Variants in STAM observed in about 807,000 individuals in gnomAD.
STAM encodes the protein signal transducing adapter molecule 1.
In STAM, 16 loss-of-function variants were observed where a neutral mutation model predicts 63.4. That is an observed-to-expected ratio of 0.25 (90% CI 0.17 to 0.38). The LOEUF (loss-of-function observed/expected upper bound fraction) is 0.38, where lower values mean the gene tolerates loss of function less well. STAM is among the 10% of genes least tolerant of loss of function. The probability of loss-of-function intolerance (pLI) is 1.00; values close to 1 mark genes in which losing one functional copy is unlikely to be tolerated. For synonymous variants in STAM, 238 were observed against 223.9 expected, an observed-to-expected ratio of 1.06 and a Z score of -0.56; for missense variants, 636 against 657.1, an observed-to-expected ratio of 0.97 and a Z score of 0.35.
At chr10:17,706,612 C>A (rs1320637465) in intron 12 of STAM, among the ~76,000 whole-genome samples, 2 of 152,002 alleles carry the variant, frequency 1.3e-5, no homozygotes, top group Admixed American at 6.5e-5. Context: ...ATCTCCTGAC[C>A]TCGTGATCCA....
Position 17,696,864 on chromosome 10 carries a change from A to G in STAM, c.818A>G (p.Glu273Gly). 1.2e-6 allele frequency: 2 copies of G among 1,609,696 alleles called. No homozygotes were observed. The highest frequency in any genetic ancestry group is 2.7e-5 in the African/African-American group (2 of 74,970). Residue 273 changes from glutamate to glycine, a missense_variant, in exon 8 of 14, where the codon GAA becomes GGA. Coordinates refer to ENST00000377524, the MANE Select transcript of STAM (RefSeq NM_003473.4). ...ACTGCAGATCTCACTGCTGAACCAG[A>G]AATGAGTAAGTATTTTCCAGCCTGC... ...FVTADLTAEP[E>G]MIKTEKKTVQ...
At chr10:17,692,114 C>G (rs1453847067) in intron 5 of STAM, among the ~76,000 whole-genome samples, 1 of 152,116 alleles carries the variant, frequency 6.6e-6, no homozygotes, top group Non-Finnish European at 1.5e-5. Context: ...TTATCGTAGT[C>G]ATTTTATTGA....
In STAM at chr10:17,708,768, C is replaced by G. The variant is rs1247664013; in HGVS notation, c.1210-8C>G. ...GAATTGAATATGATTTCTCTTTAAC[C>G]ATCGCAGGTGTATGCAGGGCCTCCT... On this transcript the variant is annotated splice_region_variant and splice_polypyrimidine_tract_variant and intron_variant, in intron 12 of 13. Transcript: ENST00000377524. 6.3e-7 allele frequency: 1 copy of G among 1,594,504 alleles called. No homozygotes were observed. The highest frequency in any genetic ancestry group is 8.6e-7 in the Non-Finnish European group (1 of 1,167,044).
chr10:17,687,500 C>CA (rs11338233), intron 4 of STAM, among the ~76,000 whole-genome samples: 15 of 150,272 alleles, frequency 1.0e-4, no homozygotes, highest in South Asian at 4.2e-4. Context: ...AAAAACAAAC[C>CA]AAAAAAAAAG....
chr10:17,714,958 T>C lies in STAM; in HGVS notation c.*178T>C, dbSNP rs940554070. ...ATTTACACTGACTTTTTAGAGGTTC[T>C]TCCCCCCCCGCCCCTGCAGAGGAAT... On this transcript the variant is annotated 3_prime_UTR_variant, in exon 14 of 14. Transcript: ENST00000377524. The C allele has an allele frequency of 8.3e-6, 5 of 603,270 alleles. No homozygotes were observed. Among genetic ancestry groups the C allele is most frequent in the African/African-American group, 7.6e-5 (4 of 52,724 alleles). 37.4% of individuals were successfully genotyped at this position (603,270 alleles called of 1,614,324 possible).
chr10:17,664,747 C>T (rs1214629337), intron 2 of STAM, among the ~76,000 whole-genome samples: 2 of 151,980 alleles, frequency 1.3e-5, no homozygotes, highest in African/African-American at 4.8e-5. Context: ...GAATGCAGTT[C>T]AGAAGTGATT....
intron 5 of STAM, among the ~76,000 whole-genome samples, chr10:17,692,815 C>T (rs1554826935): frequency 6.6e-6 from 1 of 152,110 alleles, no homozygotes; most frequent in Non-Finnish European, 1.5e-5. Flanking sequence ...ATAACTCTAA[C>T]TATTAATAGA....
rs543553950 is a variant in STAM at position 17,650,472 on chromosome 10, G to C, written c.40+6093G>C. 2.0e-4 allele frequency among the ~76,000 whole-genome samples: 30 copies of C among 152,286 alleles called. No individual in the cohort carries two copies. The East Asian group carries it at 5.4e-3, about 27-fold the overall frequency. ...CTCAATTATGCTTTTTGTCTGTTTT[G>C]ATAGTTGGTACCTAAGTTTACTTAG... On this transcript the variant is annotated intron_variant, in intron 1 of 13. Transcript: ENST00000377524.
intron 4 of STAM, among the ~76,000 whole-genome samples, chr10:17,686,221 T>A (rs1233849553): frequency 1.3e-5 from 2 of 152,224 alleles, no homozygotes; most frequent in African/African-American, 4.8e-5. Flanking sequence ...AATACCATGT[T>A]TTTTGTAATG....
At position 17,716,178 on chromosome 10, in the gene STAM, C is replaced by T. The variant is rs1836808092; in HGVS notation, c.*1398C>T. 6.6e-6 allele frequency among the ~76,000 whole-genome samples: 1 copy of T among 152,070 alleles called. No individual in the cohort carries two copies. Among genetic ancestry groups the T allele is most frequent in the South Asian group, 2.1e-4 (1 of 4,826 alleles). ...ACAACGGAAAAGTTGAGTCGAACAT[C>T]ATATTTAATGAATTGATGTAACAGG... On this transcript the variant is annotated 3_prime_UTR_variant, in exon 14 of 14. Transcript: ENST00000377524.
chr10:17,705,483 A>G (rs1836219102), intron 11 of STAM, 105 bp from the exon 12 acceptor site: 3 of 1,271,260 alleles, frequency 2.4e-6, no homozygotes, highest in South Asian at 1.5e-5. Context: ...AATAATGTCT[A>G]CTAGTACTAC....
chr10:17,709,110 TC>T (rs1836439502), intron 13 of STAM, among the ~76,000 whole-genome samples, 159 bp downstream of exon 13: 1 of 152,196 alleles, frequency 6.6e-6, no homozygotes, highest in African/African-American at 2.4e-5. Context: ...TCTGTGGTAT[TC>T]CAGTACCAGC....
At position 17,694,949 on chromosome 10, in the gene STAM, A is replaced by G. The variant is rs1438775902; in HGVS notation, c.536-100A>G. 19 of 1,116,694 alleles carry G rather than the reference A, an allele frequency of 1.7e-5. No individual in the cohort carries two copies. In the Admixed American group the frequency reaches 2.5e-4, roughly 15 times the overall value. 69.2% of individuals were successfully genotyped at this position (1,116,694 alleles called of 1,614,324 possible). A position where few individuals can be genotyped will look rare whatever the true frequency, so the allele number is the denominator to read the frequency against. On this transcript the variant is annotated intron_variant, in intron 6 of 13. Transcript: ENST00000377524. The stretch of plus-strand genomic sequence containing the variant: ...ATATGTTCTAGTTTCTAACTATACT[A>G]TTGAAGGAAGAATACCTTTTATCTT...
intron 4 of STAM, among the ~76,000 whole-genome samples, chr10:17,685,796 C>T (rs1037356179): frequency 6.6e-6 from 1 of 152,104 alleles, no homozygotes; most frequent in African/African-American, 2.4e-5. Context: ...GAACTGGGGA[C>T]CCTACAACTG....
intron 1 of STAM, among the ~76,000 whole-genome samples, chr10:17,645,432 T>C (rs1392781132): frequency 6.6e-6 from 1 of 152,136 alleles, no homozygotes; most frequent in Non-Finnish European, 1.5e-5. Flanking sequence ...TATATAAGAG[T>C]AGAAAAAAGT....
At chr10:17,696,372 A>C (rs542099509) in intron 7 of STAM, among the ~76,000 whole-genome samples, 1 of 152,268 alleles carries the variant, frequency 6.6e-6, no homozygotes, top group East Asian at 1.9e-4. Flanking sequence ...GGAGAAAAAA[A>C]AAACCTTGCT....
intron 5 of STAM, among the ~76,000 whole-genome samples, chr10:17,690,668 A>G (rs540367903): frequency 2.0e-5 from 3 of 152,366 alleles, no homozygotes; most frequent in South Asian, 4.1e-4. Flanking sequence ...TTGTTAGGGC[A>G]TACTTAACAA....
At position 17,644,403 on chromosome 10, in the gene STAM, C is replaced by A. The variant is rs1554820536; in HGVS notation, c.40+24C>A. ...TGGTAAGTGTTTTTGCCTCTCCCTG[C>A]CCATTCCTCACCGGACTGCACGCTC... On this transcript the variant is annotated intron_variant, in intron 1 of 13. Transcript: ENST00000377524. The A allele has an allele frequency of 6.8e-6, 11 of 1,613,978 alleles. No individual in the cohort carries two copies. In the South Asian group the frequency reaches 1.2e-4, roughly 18 times the overall value.
intron 4 of STAM, among the ~76,000 whole-genome samples, chr10:17,686,726 A>T (rs1380510113): frequency 6.6e-6 from 1 of 152,318 alleles, no homozygotes; most frequent in East Asian, 1.9e-4. Flanking sequence ...AATTAAGTTC[A>T]TGTATAGTCT....
Sources: gnomAD v4.1 joint callset for allele counts (sites outside exome capture counted in the v4.1 genomes callset) on GRCh38, gnomAD v4.1.1 for gene constraint, MANE v1.5 for transcripts, NCBI Gene and HGNC (gene_info 2026-07-23, HGNC 2026-07-21) for gene names.